The following TCEA3 variants were observed in gnomAD, a reference collection of about 807,000 sequenced individuals.
TCEA3 encodes transcription elongation factor A3.
TCEA3 carries 36 observed loss-of-function variants against 44.0 expected under a neutral mutation model. That is an observed-to-expected ratio of 0.82 (90% CI 0.63 to 1.08). The LOEUF (loss-of-function observed/expected upper bound fraction) is 1.08, where lower values mean the gene tolerates loss of function less well. Among genes scored for constraint, TCEA3 ranks in the 50% least tolerant of loss-of-function variants. The pLI is 0.00. For synonymous variants in TCEA3, 162 were observed against 159.7 expected, an observed-to-expected ratio of 1.01 and a Z score of -0.11; for missense variants, 392 against 441.2, an observed-to-expected ratio of 0.89 and a Z score of 1.00.
rs1010363717 is a variant in TCEA3 at position 23,391,608 on chromosome 1, T to C, written c.819+2271A>G. On this transcript the variant is annotated intron_variant, in intron 8 of 10. Coordinates refer to ENST00000450454, the MANE Select transcript of TCEA3 (RefSeq NM_003196.3). ...ACTGAATCTGCTGCTGCCCTGATGT[T>C]GGACTGTCCAATCTCTAGAAATGTG... is the stretch of plus-strand genomic sequence containing the variant. Among the ~76,000 whole-genome samples, 70 of 152,176 alleles carry C rather than the reference T, an allele frequency of 4.6e-4. 1 individual carries two copies. Among genetic ancestry groups the C allele is most frequent in the Non-Finnish European group, 1.3e-4 (9 of 67,984 alleles).
rs550789653 is a variant in TCEA3, at chr1:23,382,807, A to G, written c.1039-1333T>C. Among the ~76,000 whole-genome samples, 459 of 152,372 alleles carry G rather than the reference A, an allele frequency of 3.0e-3. 2 individuals carry two copies. The highest frequency in any genetic ancestry group is 0.011 in the African/African-American group (437 of 41,584). On this transcript the variant is annotated intron_variant, in intron 10 of 10. Coordinates refer to ENST00000450454, the MANE Select transcript of TCEA3 (RefSeq NM_003196.3). The stretch of plus-strand genomic sequence containing the variant: ...AAGTCACTTGGTAAGGGATAAAGCT[A>G]GGATTTGAGCCTGATGCCAAAGCCC...
chr1:23,384,287 C>A, intron 10 of TCEA3, 59 bp downstream of exon 10: 1 of 1,612,850 alleles, frequency 6.2e-7, no homozygotes, highest in South Asian at 1.1e-5. Context: ...GTACACTACG[C>A]CTTATGCGGG....
At chr1:23,387,629 A>G (rs1558022104) in intron 8 of TCEA3, among the ~76,000 whole-genome samples, 1 of 152,202 alleles carries the variant, frequency 6.6e-6, no homozygotes. Flanking sequence ...GAAGGTCATA[A>G]TGCACATTCA....
chr1:23,395,110 T>C (rs763541631), intron 7 of TCEA3, among the ~76,000 whole-genome samples: 55 of 152,254 alleles, frequency 3.6e-4, no homozygotes, highest in Non-Finnish European at 5.4e-4. Flanking sequence ...GGAGGTGGTA[T>C]TCTTTCTTTT....
rs748950618 is a variant in TCEA3 at position 23,424,641 on chromosome 1, C to T, written c.-8G>A. ...CTCCTCTTCCTGGCCCATGTTGGCCCGCGACGCCCGGCGGGGCGAGGGGCA... is the reference window on the plus strand; with the variant it reads ...CTCCTCTTCCTGGCCCATGTTGGCCTGCGACGCCCGGCGGGGCGAGGGGCA... On this transcript the variant is annotated 5_prime_UTR_variant, in exon 1 of 11. Coordinates refer to ENST00000450454, the MANE Select transcript of TCEA3 (RefSeq NM_003196.3). 3.7e-6 allele frequency: 6 copies of T among 1,604,786 alleles called. No homozygotes were observed. Among genetic ancestry groups the T allele is most frequent in the Non-Finnish European group, 4.2e-6 (5 of 1,178,294 alleles).
At chr1:23,401,221 G>A (rs922415507) in intron 5 of TCEA3, among the ~76,000 whole-genome samples, 22 of 152,316 alleles carry the variant, frequency 1.4e-4, no homozygotes, top group African/African-American at 3.8e-4. Flanking sequence ...ATTCTCTAGA[G>A]ACTTGAGGTT....
chr1:23,401,347 G>A (rs1029438175), intron 5 of TCEA3, among the ~76,000 whole-genome samples: 1 of 152,104 alleles, frequency 6.6e-6, no homozygotes, highest in Non-Finnish European at 1.5e-5. Context: ...TCATTTCCTA[G>A]CTTTTATTTA....
chr1:23,409,614 G>A (rs752562220), intron 4 of TCEA3, among the ~76,000 whole-genome samples: 3 of 151,984 alleles, frequency 2.0e-5, no homozygotes, highest in South Asian at 4.2e-4. Context: ...GTGCTATCTC[G>A]GCGGCTCACT....
intron 5 of TCEA3, among the ~76,000 whole-genome samples, chr1:23,408,173 G>GC (rs1450799425): frequency 1.3e-5 from 2 of 152,172 alleles, no homozygotes; most frequent in Non-Finnish European, 2.9e-5. Context: ...TGTTGGCCAG[G>GC]CTGGTCTCAA....
Position 23,418,025 on chromosome 1 carries a change from G to A in TCEA3, c.133-16C>T, listed in dbSNP as rs1189510500. ...TCCTGGTTGTCTGCAAAGTGAGAGG[G>A]TTAAGGCATAATCTGGGAATGGATA... is the stretch of plus-strand genomic sequence containing the variant. On this transcript the variant is annotated splice_polypyrimidine_tract_variant and intron_variant, in intron 2 of 10. Coordinates refer to ENST00000450454, the MANE Select transcript of TCEA3 (RefSeq NM_003196.3). 1 of 1,612,728 alleles carries A rather than the reference G, an allele frequency of 6.2e-7. No individual in the cohort carries two copies. The highest frequency in any genetic ancestry group is 1.1e-5 in the South Asian group (1 of 91,036).
At chr1:23,385,105 C>T (rs1198075693) in intron 9 of TCEA3, among the ~76,000 whole-genome samples, 2 of 152,180 alleles carry the variant, frequency 1.3e-5, no homozygotes, top group Admixed American at 1.3e-4. Context: ...CTCTTAGCCT[C>T]ATCATTCAGG....
chr1:23,384,465 C>A (rs1638765201), intron 9 of TCEA3, 48 bp from the exon 10 acceptor site: 1 of 1,588,602 alleles, frequency 6.3e-7, no homozygotes, highest in African/African-American at 1.3e-5. Flanking sequence ...TGTTCTAGGA[C>A]CTGCCATGGC....
At chr1:23,412,287 C>A (rs1460290981) in intron 4 of TCEA3, 1 of 151,992 alleles carries the variant, frequency 6.6e-6, no homozygotes, top group African/African-American at 2.4e-5. Context: ...ATAGTCCCAG[C>A]TACTCAGGAG....
In TCEA3 at chr1:23,384,384, TA is replaced by T. The variant is rs745367563; in HGVS notation, c.999del (p.Thr334ProfsTer41). On this transcript the variant is annotated frameshift_variant, in exon 10 of 11. Transcript: ENST00000450454. LOFTEE classifies it high-confidence loss of function. ...CCACATTCATTGCATAAGACAAAGG[TA>T]GTCATGGGCTCATCAGCACTGCGTG... ...VQTRSADEPM[T>X]TFVLCNECGN... is the part of the protein sequence containing the mutation. 2 of 1,613,586 alleles carry T rather than the reference TA, an allele frequency of 1.2e-6. No individual in the cohort carries two copies. The highest frequency in any genetic ancestry group is 2.7e-5 in the African/African-American group (2 of 74,866).
At chr1:23,399,168 A>ATGTATATATG (rs1326505423) in intron 5 of TCEA3, among the ~76,000 whole-genome samples, 7 of 139,758 alleles carry the variant, frequency 5.0e-5, no homozygotes, top group African/African-American at 1.8e-4. Flanking sequence ...ATATATATAT[A>ATGTATATATG]TATATATATA....
intron 2 of TCEA3, 27 bp downstream of exon 2, chr1:23,419,050 T>G: frequency 5.5e-6 from 3 of 547,866 alleles, no homozygotes; most frequent in Admixed American, 3.5e-5. Flanking sequence ...CCAGGCACTG[T>G]CCCAAGGCTT....
At chr1:23,402,464 C>T (rs898749476) in intron 5 of TCEA3, among the ~76,000 whole-genome samples, 3 of 152,198 alleles carry the variant, frequency 2.0e-5, no homozygotes, top group Non-Finnish European at 4.4e-5. Flanking sequence ...CGGAAGGCCT[C>T]CACAGCACTG....
intron 5 of TCEA3, among the ~76,000 whole-genome samples, chr1:23,403,265 C>A (rs900552877): frequency 2.0e-5 from 3 of 152,234 alleles, no homozygotes; most frequent in African/African-American, 7.2e-5. Flanking sequence ...TTATTAAGAA[C>A]CTAGTCTCTG....
chr1:23,384,147 A>C, intron 10 of TCEA3, 199 bp downstream of exon 10: 3 of 1,382,226 alleles, frequency 2.2e-6, no homozygotes, highest in Non-Finnish European at 2.8e-6. Flanking sequence ...TGCCCTTCTA[A>C]AATGAAAACA....
Sources: allele counts gnomAD v4.1 joint callset (sites outside exome capture counted in the v4.1 genomes callset), GRCh38; gene constraint gnomAD v4.1.1; transcripts MANE v1.5; gene names NCBI Gene and HGNC (gene_info 2026-07-23, HGNC 2026-07-21).